The following CNTNAP2 variants were observed in gnomAD, a reference collection of about 807,000 sequenced individuals.
CNTNAP2 encodes the protein contactin-associated protein-like 2.
CNTNAP2 carries 98 observed loss-of-function variants against 155.2 expected under a neutral mutation model. The observed-to-expected ratio is 0.63, with a 90% CI of 0.54 to 0.75. The LOEUF (loss-of-function observed/expected upper bound fraction) is 0.75, where lower values mean the gene tolerates loss of function less well. CNTNAP2 is among the 30% of genes least tolerant of loss of function. The pLI, the probability that CNTNAP2 is intolerant of heterozygous loss-of-function variation, is 0.00. For missense variants in CNTNAP2, 1,727 were observed against 1,688.1 expected, an observed-to-expected ratio of 1.02 and a Z score of -0.40; for synonymous variants, 651 against 631.2, an observed-to-expected ratio of 1.03 and a Z score of -0.47.
At chr7:147,602,350 C>T (rs533911525) in intron 12 of CNTNAP2, among the ~76,000 whole-genome samples, 4 of 123,894 alleles carry the variant, frequency 3.2e-5, no homozygotes, top group Non-Finnish European at 4.9e-5. Flanking sequence ...GCATTATGTA[C>T]TTCAGTCTAT....
chr7:146,173,411 A>G (rs1183333260), intron 1 of CNTNAP2, among the ~76,000 whole-genome samples: 2 of 152,114 alleles, frequency 1.3e-5, no homozygotes, highest in Non-Finnish European at 2.9e-5. Flanking sequence ...TAGAAAATAA[A>G]TTGATGTAAC....
At chr7:147,755,418 G>T (rs1213750375) in intron 13 of CNTNAP2, among the ~76,000 whole-genome samples, 1 of 152,212 alleles carries the variant, frequency 6.6e-6, no homozygotes, top group Non-Finnish European at 1.5e-5. Flanking sequence ...ACTTTGGGAT[G>T]CCAAGGCAGG....
intron 1 of CNTNAP2, among the ~76,000 whole-genome samples, chr7:146,298,748 G>A (rs1000563545): frequency 2.6e-5 from 4 of 152,194 alleles, no homozygotes; most frequent in Admixed American, 6.5e-5. Flanking sequence ...TCTGCTCTTG[G>A]ACAGCTCTGG....
intron 1 of CNTNAP2, among the ~76,000 whole-genome samples, chr7:146,536,178 G>A (rs533563601): frequency 8.5e-5 from 13 of 152,120 alleles, no homozygotes; most frequent in Middle Eastern, 3.4e-3. Context: ...TTTAGCAAAG[G>A]ACAGCAAATT....
At chr7:148,385,741 T>TTTTTGTTTGTTTGTTTGTTTG (rs1491044620) in intron 22 of CNTNAP2, among the ~76,000 whole-genome samples, 2 of 59,702 alleles carry the variant, frequency 3.3e-5, no homozygotes, top group African/African-American at 1.1e-4. Flanking sequence ...GACAGGTTTT[T>TTTTTGTTTGTTTGTTTGTTTG]TTTTTTTTTT....
intron 1 of CNTNAP2, among the ~76,000 whole-genome samples, chr7:146,274,483 G>A (rs904245023): frequency 5.3e-5 from 8 of 152,238 alleles, no homozygotes; most frequent in East Asian, 1.9e-4. Flanking sequence ...CAGATGAGAC[G>A]GCATAGCTAC....
intron 1 of CNTNAP2, among the ~76,000 whole-genome samples, chr7:146,530,530 C>T (rs1234516643): frequency 1.3e-5 from 2 of 152,078 alleles, no homozygotes; most frequent in African/African-American, 4.8e-5. Flanking sequence ...AACAAGTTTA[C>T]AGGCAAAAAA....
intron 22 of CNTNAP2, among the ~76,000 whole-genome samples, chr7:148,394,644 G>C (rs375138203): frequency 6.6e-6 from 1 of 152,228 alleles, no homozygotes; most frequent in Admixed American, 6.5e-5. Flanking sequence ...TCCAAGTTGC[G>C]AAATGATTCA....
At chr7:146,742,754 T>C (rs964558023) in intron 1 of CNTNAP2, among the ~76,000 whole-genome samples, 1 of 152,166 alleles carries the variant, frequency 6.6e-6, no homozygotes, top group Non-Finnish European at 1.5e-5. Context: ...ATATACACAG[T>C]TTAAACGATT....
At chr7:146,990,283 A>G (rs909741786) in intron 3 of CNTNAP2, among the ~76,000 whole-genome samples, 2 of 152,146 alleles carry the variant, frequency 1.3e-5, no homozygotes, top group Non-Finnish European at 2.9e-5. Context: ...TAGTTCAATT[A>G]GCTATGAGGT....
chr7:146,157,495 C>A (rs1233094434), intron 1 of CNTNAP2, among the ~76,000 whole-genome samples: 1 of 152,084 alleles, frequency 6.6e-6, no homozygotes, highest in Non-Finnish European at 1.5e-5. Flanking sequence ...CAAAGGGAAG[C>A]CATGACAGAT....
intron 10 of CNTNAP2, among the ~76,000 whole-genome samples, chr7:147,470,096 C>G (rs2373139): frequency 3.2e-4 from 48 of 152,122 alleles, no homozygotes; most frequent in African/African-American, 1.1e-3. Flanking sequence ...CCATTGTAAG[C>G]TTTCTTTTAC....
At chr7:148,337,196 G>A (rs1291329388) in intron 21 of CNTNAP2, among the ~76,000 whole-genome samples, 1 of 152,006 alleles carries the variant, frequency 6.6e-6, no homozygotes, top group African/African-American at 2.4e-5. Flanking sequence ...CTAAAGCTGA[G>A]GAGGCCCCTG....
intron 1 of CNTNAP2, among the ~76,000 whole-genome samples, chr7:146,492,960 A>G (rs1049367517): frequency 2.0e-5 from 3 of 152,190 alleles, no homozygotes; most frequent in African/African-American, 7.2e-5. Context: ...AGTAAACAAC[A>G]CCAAACAAGA....
intron 3 of CNTNAP2, among the ~76,000 whole-genome samples, chr7:146,995,322 A>C (rs1363547492): frequency 1.3e-5 from 2 of 152,088 alleles, no homozygotes; most frequent in African/African-American, 4.8e-5. Context: ...TCTTCAACAT[A>C]ATGACTTTAT....
intron 18 of CNTNAP2, among the ~76,000 whole-genome samples, chr7:148,203,281 A>C (rs999769322): frequency 6.6e-6 from 1 of 152,214 alleles, no homozygotes; most frequent in East Asian, 1.9e-4. Flanking sequence ...TGTACATTGC[A>C]TACCTACTAT....
At chr7:146,973,769 C>T (rs934788112) in intron 3 of CNTNAP2, among the ~76,000 whole-genome samples, 3 of 152,198 alleles carry the variant, frequency 2.0e-5, no homozygotes, top group Non-Finnish European at 4.4e-5. Context: ...GTATCCCTCT[C>T]ATATTCTTCC....
chr7:146,277,472 A>G (rs1800182599), intron 1 of CNTNAP2, among the ~76,000 whole-genome samples: 1 of 152,220 alleles, frequency 6.6e-6, no homozygotes, highest in Non-Finnish European at 1.5e-5. Flanking sequence ...ATACTGAGCC[A>G]GTCAGTGGTA....
At chr7:147,976,596 T>C (rs916403519) in intron 14 of CNTNAP2, among the ~76,000 whole-genome samples, 4 of 152,208 alleles carry the variant, frequency 2.6e-5, no homozygotes, top group Admixed American at 6.6e-5. Context: ...ATGCATTTAT[T>C]TGAGGCCAAC....
Sources: allele counts gnomAD v4.1 joint callset (sites outside exome capture counted in the v4.1 genomes callset), GRCh38; gene constraint gnomAD v4.1.1; transcripts MANE v1.5; gene names NCBI Gene and HGNC (gene_info 2026-07-23, HGNC 2026-07-21).